ADAM10: variants seen among roughly 807,000 people sequenced by gnomAD.
The protein encoded by ADAM10 is disintegrin and metalloproteinase domain-containing protein 10.
A neutral mutation model predicts 90.1 loss-of-function variants in ADAM10; 17 were observed. That is an observed-to-expected ratio of 0.19 (90% confidence interval 0.13 to 0.28). The LOEUF is 0.28. Among genes scored for constraint, ADAM10 ranks in the 10% least tolerant of loss-of-function variants. The pLI is 1.00. For synonymous variants in ADAM10, 310 were observed against 298.6 expected, an observed-to-expected ratio of 1.04 and a Z score of -0.40; for missense variants, 610 against 914.3, an observed-to-expected ratio of 0.67 and a Z score of 4.29.
At chr15:58,726,262 G>C (rs72745005) in intron 1 of ADAM10, among the ~76,000 whole-genome samples, 1 of 152,012 alleles carries the variant, frequency 6.6e-6, no homozygotes, top group Non-Finnish European at 1.5e-5. Context: ...AAATACAACA[G>C]GTATATCATC....
Position 58,717,751 on chromosome 15 carries a change from G to C in ADAM10, c.56-24C>G, listed in dbSNP as rs1337623729. 6 of 1,603,186 alleles carry C rather than the reference G, an allele frequency of 3.7e-6. No individual in the cohort carries two copies. The East Asian group carries it at 9.0e-5, about 24-fold the overall frequency. The stretch of plus-strand genomic sequence containing the variant: ...ACCTATAAAAAAAAAACAACATTCT[G>C]AATTAGTATCATCTTGAAGACCCCT... On this transcript the variant is annotated intron_variant, in intron 1 of 15. Transcript: ENST00000260408.
At position 58,640,853 on chromosome 15, in the gene ADAM10, G is replaced by C; in HGVS notation, c.936C>G (p.Tyr312Ter). ...GGTCTGTGAAGACATAGGCCAAACAGTAGTCATCATGATTCTGCTCAGAAT... is the reference window on the plus strand; with the variant it reads ...GGTCTGTGAAGACATAGGCCAAACACTAGTCATCATGATTCTGCTCAGAAT... ...ELNSEQNHDD[Y>*]CLAYVFTDRD... Residue 312 changes from tyrosine to a stop codon, truncating the protein, a stop_gained, in exon 8 of 16, where the codon TAC becomes TAG. Transcript: ENST00000260408. LOFTEE classifies it high-confidence loss of function. 6.2e-7 allele frequency: 1 copy of C among 1,614,164 alleles called. No homozygotes were observed. Among genetic ancestry groups the C allele is most frequent in the Non-Finnish European group, 8.5e-7 (1 of 1,180,004 alleles).
At chr15:58,695,615 G>A (rs1380829729) in intron 2 of ADAM10, among the ~76,000 whole-genome samples, 3 of 151,818 alleles carry the variant, frequency 2.0e-5, no homozygotes, top group Non-Finnish European at 2.9e-5. Context: ...AAAAATTGAG[G>A]GCAAAAGCTA....
intron 2 of ADAM10, among the ~76,000 whole-genome samples, chr15:58,695,817 T>C (rs1480860829): frequency 6.6e-6 from 1 of 151,804 alleles, no homozygotes; most frequent in Non-Finnish European, 1.5e-5. Flanking sequence ...CCTGTCTCTA[T>C]TACAAATATA....
intron 5 of ADAM10, among the ~76,000 whole-genome samples, chr15:58,663,093 T>C (rs182395265): frequency 1.3e-5 from 2 of 152,388 alleles, no homozygotes; most frequent in Admixed American, 1.3e-4. Flanking sequence ...TTGTTTGTTG[T>C]AGAAAGCCTA....
chr15:58,661,487 T>C (rs1896965861), intron 5 of ADAM10, among the ~76,000 whole-genome samples: 1 of 152,192 alleles, frequency 6.6e-6, no homozygotes, highest in Admixed American at 6.5e-5. Context: ...TTCCAGTTTG[T>C]ACTGTGTAAT....
chr15:58,681,020 A>T (rs1662655627), intron 3 of ADAM10, among the ~76,000 whole-genome samples: 1 of 152,118 alleles, frequency 6.6e-6, no homozygotes, highest in Non-Finnish European at 1.5e-5. Context: ...TATACTGCCC[A>T]GGCTGGTCTC....
chr15:58,657,051 T>G lies in ADAM10; in HGVS notation c.585+8046A>C, dbSNP rs186147773. Among the ~76,000 whole-genome samples the G allele has an allele frequency of 2.0e-4, 30 of 152,368 alleles. 1 individual carries two copies. The highest frequency in any genetic ancestry group is 1.9e-3 in the Admixed American group (29 of 15,306). On this transcript the variant is annotated intron_variant, in intron 5 of 15. Transcript: ENST00000260408. The stretch of plus-strand genomic sequence containing the variant: ...GGCCTGTAAAATTTCTATTGAAAAG[T>G]CTTCTGCCAAATTTATCAGAGCTCC...
chr15:58,741,147 T>C (rs1338279086), intron 1 of ADAM10, among the ~76,000 whole-genome samples: 2 of 152,156 alleles, frequency 1.3e-5, no homozygotes, highest in African/African-American at 2.4e-5. Context: ...CCATCATCAA[T>C]ACAAGCAAAA....
At chr15:58,633,156 T>C (rs199529723) in intron 9 of ADAM10, 40 bp downstream of exon 9, 1 of 1,540,724 alleles carries the variant, frequency 6.5e-7, no homozygotes, top group East Asian at 2.3e-5. Flanking sequence ...AAAATTAGAC[T>C]AATAAGTATT....
chr15:58,620,381 T>A (rs1484597010), intron 11 of ADAM10, among the ~76,000 whole-genome samples: 1 of 151,748 alleles, frequency 6.6e-6, no homozygotes, highest in Non-Finnish European at 1.5e-5. Context: ...GCAGGATAAT[T>A]GCTTGAACCT....
At chr15:58,730,504 GT>G (rs1479257333) in intron 1 of ADAM10, among the ~76,000 whole-genome samples, 1 of 151,370 alleles carries the variant, frequency 6.6e-6, no homozygotes, top group African/African-American at 2.4e-5. Context: ...CCTACAAAAT[GT>G]TACAGAACAG....
At chr15:58,617,501 A>G (rs1221002777) in intron 11 of ADAM10, among the ~76,000 whole-genome samples, 6 of 152,196 alleles carry the variant, frequency 3.9e-5, no homozygotes, top group Admixed American at 6.5e-5. Flanking sequence ...GAACTAGAAC[A>G]AGACAAGAAT....
At chr15:58,606,763 C>A (rs919711615) in intron 14 of ADAM10, among the ~76,000 whole-genome samples, 1 of 152,158 alleles carries the variant, frequency 6.6e-6, no homozygotes, top group African/African-American at 2.4e-5. Flanking sequence ...TGGAATGGAA[C>A]GTAAGAATTT....
At chr15:58,653,049 T>C (rs772441260) in intron 5 of ADAM10, among the ~76,000 whole-genome samples, 1 of 152,234 alleles carries the variant, frequency 6.6e-6, no homozygotes, top group Admixed American at 6.5e-5. Flanking sequence ...ATGCTACTGA[T>C]TTTTGTACGT....
chr15:58,621,690 T>C (rs540474723), intron 10 of ADAM10, 69 bp from the exon 11 acceptor site: 47 of 1,574,018 alleles, frequency 3.0e-5, no homozygotes, highest in South Asian at 2.5e-4. Flanking sequence ...ATTCACAAAT[T>C]CTTTAGATCA....
intron 2 of ADAM10, among the ~76,000 whole-genome samples, chr15:58,690,660 G>C (rs1488210973): frequency 2.0e-5 from 3 of 152,020 alleles, no homozygotes; most frequent in African/African-American, 7.2e-5. Flanking sequence ...AGCCAGGTGG[G>C]ACAGGACCAC....
At chr15:58,661,350 C>A (rs1235209322) in intron 5 of ADAM10, among the ~76,000 whole-genome samples, 3 of 152,184 alleles carry the variant, frequency 2.0e-5, no homozygotes, top group Middle Eastern at 3.4e-3. Flanking sequence ...CACCTAGACA[C>A]AAATTCTCTC....
At chr15:58,602,155 A>C (rs4775084) in intron 14 of ADAM10, among the ~76,000 whole-genome samples, 36,021 of 152,106 alleles carry the variant, frequency 0.24, 4,600 homozygotes, top group East Asian at 0.55. Flanking sequence ...TTTTATAAAT[A>C]TATAATCAAT....
Sources: allele counts gnomAD v4.1 joint callset (sites outside exome capture counted in the v4.1 genomes callset), GRCh38; gene constraint gnomAD v4.1.1; transcripts MANE v1.5; gene names NCBI Gene and HGNC (gene_info 2026-07-23, HGNC 2026-07-21).